Variants in B3GALT2 observed in about 807,000 individuals in gnomAD.
The protein encoded by B3GALT2 is UDP-Gal:betaGlcNAc beta 1,3-galactosyltransferase, polypeptide 2.
B3GALT2 carries 13 observed loss-of-function variants against 33.5 expected under a neutral mutation model. The ratio of observed to expected loss-of-function variants is 0.39; its 90% CI spans 0.25 to 0.62. The LOEUF is 0.62. Ranked by LOEUF, B3GALT2 falls within the 20% of genes least tolerant of loss-of-function variation. The pLI is 0.53. For synonymous variants in B3GALT2, 195 were observed against 172.7 expected (o/e 1.13, Z -1.01); for missense variants, 418 against 509.1 (o/e 0.82, Z 1.72).
Position 193,179,048 on chromosome 1 carries a change from A to T in B3GALT2, c.*1246T>A, listed in dbSNP as rs972690998. The T allele has an allele frequency of 6.6e-6, 1 of 152,190 alleles. No individual in the cohort carries two copies. Among genetic ancestry groups the T allele is most frequent in the Non-Finnish European group, 1.5e-5 (1 of 68,004 alleles). 9.4% of individuals were successfully genotyped at this position (152,190 alleles called of 1,614,324 possible). ...TGAAAATACTTATAACACTCAGTAA[A>T]GTTTTTTGTTTTCCTTTATTTTTAA... On this transcript the variant is annotated 3_prime_UTR_variant, in exon 2 of 2. Transcript: ENST00000367434.
chr1:193,183,938 C>T (rs920336399), intron 1 of B3GALT2, among the ~76,000 whole-genome samples: 6 of 151,558 alleles, frequency 4.0e-5, no homozygotes, highest in African/African-American at 1.5e-4. Context: ...AGTTAAAGGA[C>T]TGAGTAAATA....
Position 193,180,693 on chromosome 1 carries a change from T to G in B3GALT2, c.870A>C (p.Arg290=), listed in dbSNP as rs1227677560. ...GCATGTACCACTTGCTATCTTTGTT[T>G]CGATTGGGTGCATATCCTCGCATTA... The part of the protein sequence containing the change: ...GYLMRGYAPN[R]NKDSKWYMPP... Residue 290 remains arginine, a synonymous_variant, in exon 2 of 2, where the codon CGA becomes CGC. Coordinates refer to ENST00000367434, the MANE Select transcript of B3GALT2 (RefSeq NM_003783.3). The G allele has an allele frequency of 2.5e-6, 4 of 1,614,010 alleles. No individual in the cohort carries two copies. The Admixed American group carries it at 6.7e-5, about 27-fold the overall frequency.
intron 1 of B3GALT2, among the ~76,000 whole-genome samples, chr1:193,182,769 T>C (rs1367004305): frequency 6.6e-6 from 1 of 152,146 alleles, no homozygotes; most frequent in African/African-American, 2.4e-5. Context: ...GTTTTTGTTG[T>C]TGTTTTTAGT....
chr1:193,183,157 A>G (rs1676747883), intron 1 of B3GALT2, among the ~76,000 whole-genome samples: 1 of 151,802 alleles, frequency 6.6e-6, no homozygotes, highest in African/African-American at 2.4e-5. Flanking sequence ...AACGTTAAGT[A>G]CTTTGAAAAT....
In B3GALT2 at chr1:193,180,169, T is replaced by C. The variant is rs968835965; in HGVS notation, c.*125A>G. ...TTAACTTCTTCAGAAATTAAAAAAATACTTCTTGAATTTCTTTATGTGATG... is the reference window on the plus strand; with the variant it reads ...TTAACTTCTTCAGAAATTAAAAAAACACTTCTTGAATTTCTTTATGTGATG... On this transcript the variant is annotated 3_prime_UTR_variant, in exon 2 of 2. Transcript: ENST00000367434. The C allele has an allele frequency of 6.0e-6, 5 of 828,184 alleles. No individual in the cohort carries two copies. Among genetic ancestry groups the C allele is most frequent in the Non-Finnish European group, 8.6e-6 (5 of 581,706 alleles). 51.3% of individuals were successfully genotyped at this position (828,184 alleles called of 1,614,324 possible).
chr1:193,180,177 G>T lies in B3GALT2; in HGVS notation c.*117C>A. ...TTCAGAAATTAAAAAAATACTTCTT[G>T]AATTTCTTTATGTGATGAGTTTTAA... On this transcript the variant is annotated 3_prime_UTR_variant, in exon 2 of 2. Coordinates refer to ENST00000367434, the MANE Select transcript of B3GALT2 (RefSeq NM_003783.3). 1.2e-6 allele frequency: 1 copy of T among 854,958 alleles called. No homozygotes were observed. Among genetic ancestry groups the T allele is most frequent in the Non-Finnish European group, 1.7e-6 (1 of 602,052 alleles). 53.0% of individuals were successfully genotyped at this position (854,958 alleles called of 1,614,324 possible).
chr1:193,184,273 T>C (rs1205500022), intron 1 of B3GALT2, among the ~76,000 whole-genome samples: 11 of 151,966 alleles, frequency 7.2e-5, no homozygotes, highest in Admixed American at 5.2e-4. Context: ...TCAGGTCTTA[T>C]AAATTTTTTT....
rs3795616 is a variant in B3GALT2 at position 193,186,398 on chromosome 1, A to G, written c.-500T>C. The stretch of plus-strand genomic sequence containing the variant: ...GTGCTGTGTTCTCGTCTCAGTATCC[A>G]TATTTCTACTAATAACACTGAGCTG... On this transcript the variant is annotated 5_prime_UTR_variant, in exon 1 of 2. The change abolishes an upstream ATG in the 5' untranslated region. Coordinates refer to ENST00000367434, the MANE Select transcript of B3GALT2 (RefSeq NM_003783.3). The G allele has an allele frequency of 8.5e-5, 13 of 152,626 alleles. No homozygotes were observed. The East Asian group carries it at 2.1e-3, about 25-fold the overall frequency. The allele number at this position is 152,626 out of a possible 1,614,324, so 9.5% of individuals were successfully genotyped here.
rs1161144209 is a variant in B3GALT2, at chr1:193,181,652, A to G, written c.-90T>C. ...ACTATTCTTTGGCAATCATTTTCTA[A>G]TTCAGTCACATTGTCTCTCTTGTAG... On this transcript the variant is annotated 5_prime_UTR_variant, in exon 2 of 2. Coordinates refer to ENST00000367434, the MANE Select transcript of B3GALT2 (RefSeq NM_003783.3). 13 of 1,175,138 alleles carry G rather than the reference A, an allele frequency of 1.1e-5. No homozygotes were observed. The Admixed American group carries it at 3.3e-4, about 29-fold the overall frequency. The allele number at this position is 1,175,138 out of a possible 1,614,324, so 72.8% of individuals were successfully genotyped here.
At position 193,180,187 on chromosome 1, in the gene B3GALT2, A is replaced by T; in HGVS notation, c.*107T>A. 1 of 924,908 alleles carries T rather than the reference A, an allele frequency of 1.1e-6. No homozygotes were observed. The highest frequency in any genetic ancestry group is 3.4e-4 in the Middle Eastern group (1 of 2,974). 57.3% of individuals were successfully genotyped at this position (924,908 alleles called of 1,614,324 possible). ...AAAAAAATACTTCTTGAATTTCTTT[A>T]TGTGATGAGTTTTAACTAAAACTTG... On this transcript the variant is annotated 3_prime_UTR_variant, in exon 2 of 2. Transcript: ENST00000367434.
chr1:193,181,044 A>G lies in B3GALT2; in HGVS notation c.519T>C (p.Thr173=), dbSNP rs771587183. Residue 173 remains threonine, a synonymous_variant, in exon 2 of 2, where the codon ACT becomes ACC. Coordinates refer to ENST00000367434, the MANE Select transcript of B3GALT2 (RefSeq NM_003783.3). ...QIEARRAIRQ[T]WGNESLAPGI... is the part of the protein sequence containing the mutation. ...CAGGTGCTAGACTTTCATTGCCCCA[A>G]GTTTGCCGAATAGCTCTTCTAGCTT... 6 of 1,613,916 alleles carry G rather than the reference A, an allele frequency of 3.7e-6. No homozygotes were observed. The highest frequency in any genetic ancestry group is 2.7e-5 in the African/African-American group (2 of 75,046).
rs567433928 is a variant in B3GALT2 at position 193,183,673 on chromosome 1, ACT to A, written c.-120-1993_-120-1992del. Among the ~76,000 whole-genome samples the A allele has an allele frequency of 2.3e-3, 350 of 151,678 alleles. 20 individuals are homozygous for A. The South Asian group carries it at 0.07, about 30-fold the overall frequency. On this transcript the variant is annotated intron_variant, in intron 1 of 1. Transcript: ENST00000367434. Reference sequence around the variant, plus strand: ...ATGACATATTTGGTAAATAATAATGACTCTCCGCTCCACTTCATAAGGATATC... The same window carrying A: ...ATGACATATTTGGTAAATAATAATGACTCCGCTCCACTTCATAAGGATATC...
chr1:193,181,228 A>T lies in B3GALT2; in HGVS notation c.335T>A (p.Leu112Gln). ...TCCATTGGCACTAAGTGTATTCTCCAGGCCTGTAACTCCTTGTGGTGACAG... is the reference window on the plus strand; with the variant it reads ...TCCATTGGCACTAAGTGTATTCTCCTGGCCTGTAACTCCTTGTGGTGACAG... ...TDLSPQGVTG[L>Q]ENTLSANGSI... The change falls in exon 2 of 2, where the codon CTG (leucine) becomes CAG (glutamine). Residue 112 changes from leucine to glutamine, a missense_variant. By Grantham distance (113) the Leu-to-Gln change is moderately radical. Coordinates refer to ENST00000367434, the MANE Select transcript of B3GALT2 (RefSeq NM_003783.3). 2 of 1,614,080 alleles carry T rather than the reference A, an allele frequency of 1.2e-6. No individual in the cohort carries two copies. The highest frequency in any genetic ancestry group is 1.7e-6 in the Non-Finnish European group (2 of 1,179,972).
chr1:193,184,357 C>T (rs1406036993), intron 1 of B3GALT2, among the ~76,000 whole-genome samples: 1 of 151,684 alleles, frequency 6.6e-6, no homozygotes, highest in Admixed American at 6.6e-5. Flanking sequence ...CCAGTTATTG[C>T]CTGTTGTATT....
In B3GALT2 at chr1:193,180,909, C is replaced by T; in HGVS notation, c.654G>A (p.Gln218=). The part of the protein sequence containing the change: ...ESRQYHDIIQ[Q]EYLDTYYNLT... ...AATTATAGTACGTATCTAAGTATTC[C>T]TGTTGAATTATATCATGATATTGTC... is the stretch of plus-strand genomic sequence containing the variant. The change falls in exon 2 of 2, where the codon CAG becomes CAA. Residue 218 remains glutamine (Q), a synonymous_variant. Transcript: ENST00000367434. 1.2e-6 allele frequency: 2 copies of T among 1,613,730 alleles called. No homozygotes were observed. Among genetic ancestry groups the T allele is most frequent in the Non-Finnish European group, 1.7e-6 (2 of 1,179,956 alleles).
chr1:193,181,615 C>G lies in B3GALT2; in HGVS notation c.-53G>C, dbSNP rs918484629. On this transcript the variant is annotated 5_prime_UTR_variant, in exon 2 of 2. Transcript: ENST00000367434. Reference sequence around the variant, plus strand: ...AGAGATTGGTGACCAAAAATGTTTTCTTCTCCTTAATACTATTCTTTGGCA... The same window carrying G: ...AGAGATTGGTGACCAAAAATGTTTTGTTCTCCTTAATACTATTCTTTGGCA... 1.4e-5 allele frequency: 20 copies of G among 1,442,914 alleles called. No homozygotes were observed. The highest frequency in any genetic ancestry group is 1.6e-5 in the Non-Finnish European group (17 of 1,066,038). 89.4% of individuals were successfully genotyped at this position (1,442,914 alleles called of 1,614,324 possible).
At chr1:193,182,386 T>G (rs1345274243) in intron 1 of B3GALT2, among the ~76,000 whole-genome samples, 1 of 152,152 alleles carries the variant, frequency 6.6e-6, no homozygotes, top group Non-Finnish European at 1.5e-5. Flanking sequence ...TTCTTAGACT[T>G]AAGATTAATT....
Position 193,181,193 on chromosome 1 carries a change from T to C in B3GALT2, c.370A>G (p.Asn124Asp), listed in dbSNP as rs1676708617. ...NTLSANGSIY[N>D]EKGTGHPNSY... is the part of the protein sequence containing the mutation. ...TTTGGATGTCCAGTACCTTTTTCAT[T>C]GTAAATACTTCCATTGGCACTAAGT... Residue 124 changes from asparagine (N) to aspartate (D), a missense_variant, in exon 2 of 2, where the codon AAT (asparagine) becomes GAT (aspartate). Coordinates refer to ENST00000367434, the MANE Select transcript of B3GALT2 (RefSeq NM_003783.3). 4 of 1,613,806 alleles carry C rather than the reference T, an allele frequency of 2.5e-6. No individual in the cohort carries two copies. The South Asian group carries it at 4.4e-5, about 18-fold the overall frequency.
chr1:193,180,760 T>G lies in B3GALT2; in HGVS notation c.803A>C (p.Lys268Thr), dbSNP rs1409964832. 1.2e-6 allele frequency: 2 copies of G among 1,613,988 alleles called. No homozygotes were observed. Among genetic ancestry groups the G allele is most frequent in the East Asian group, 4.5e-5 (2 of 44,896 alleles). The change falls in exon 2 of 2, where the codon AAG becomes ACG. Residue 268 changes from lysine (K) to threonine (T), a missense_variant. Transcript: ENST00000367434. ...NTEYLINKLL[K>T]PDLPPRHNYF... Reference sequence around the variant, plus strand: ...GTTATGTCTGGGAGGCAGATCTGGCTTCAGTAACTTATTGATTAAATATTC... The same window carrying G: ...GTTATGTCTGGGAGGCAGATCTGGCGTCAGTAACTTATTGATTAAATATTC...
Sources: allele counts gnomAD v4.1 joint callset (sites outside exome capture counted in the v4.1 genomes callset), GRCh38; gene constraint gnomAD v4.1.1; transcripts MANE v1.5; gene names NCBI Gene and HGNC (gene_info 2026-07-23, HGNC 2026-07-21).